CNTNAP5: variants seen among roughly 807,000 people sequenced by gnomAD.
CNTNAP5 encodes contactin associated protein family member 5, also known as contactin-associated protein-like 5.
CNTNAP5 carries 72 observed loss-of-function variants against 150.2 expected under a neutral mutation model. The ratio of observed to expected loss-of-function variants is 0.48; its 90% CI spans 0.40 to 0.58. The LOEUF is 0.58. Among genes scored for constraint, CNTNAP5 ranks in the 20% least tolerant of loss-of-function variants. CNTNAP5 has a pLI of 0.00. For missense variants in CNTNAP5, 1,636 were observed against 1,626.2 expected, an observed-to-expected ratio of 1.01 and a Z score of -0.10; for synonymous variants, 672 against 619.8, an observed-to-expected ratio of 1.08 and a Z score of -1.25.
At chr2:124,042,118 C>T (rs981029278) in intron 1 of CNTNAP5, among the ~76,000 whole-genome samples, 6 of 152,098 alleles carry the variant, frequency 3.9e-5, no homozygotes, top group East Asian at 1.9e-4. Flanking sequence ...GCCTCGGCCC[C>T]GCAAAGTGCT....
chr2:124,499,936 C>T, intron 7 of CNTNAP5, among the ~76,000 whole-genome samples: 1 of 152,080 alleles, frequency 6.6e-6, no homozygotes, highest in East Asian at 1.9e-4. Flanking sequence ...TCATGATCTG[C>T]AGACCCAGGA....
chr2:124,495,963 T>C (rs1277533048), intron 7 of CNTNAP5, among the ~76,000 whole-genome samples: 3 of 152,048 alleles, frequency 2.0e-5, no homozygotes, highest in Admixed American at 2.0e-4. Flanking sequence ...GCAGAATACG[T>C]GTCTCCCTCA....
At chr2:124,306,982 C>G (rs1688709278) in intron 3 of CNTNAP5, among the ~76,000 whole-genome samples, 1 of 151,998 alleles carries the variant, frequency 6.6e-6, no homozygotes, top group East Asian at 1.9e-4. Flanking sequence ...CTTGCCTCAG[C>G]CTTCCAAAGT....
chr2:124,678,328 A>G (rs1419792488), intron 13 of CNTNAP5, among the ~76,000 whole-genome samples: 5 of 151,758 alleles, frequency 3.3e-5, no homozygotes, highest in African/African-American at 1.2e-4. Flanking sequence ...TGACAATTTA[A>G]CCACAGAATG....
At chr2:124,148,598 A>G (rs75853680) in intron 1 of CNTNAP5, among the ~76,000 whole-genome samples, 2,753 of 148,276 alleles carry the variant, frequency 0.019, 193 homozygotes, top group Admixed American at 0.14. Flanking sequence ...AGTACATTCA[A>G]GTAATTCAGT....
intron 12 of CNTNAP5, among the ~76,000 whole-genome samples, chr2:124,632,576 A>G (rs1558712739): frequency 6.6e-6 from 1 of 152,082 alleles, no homozygotes; most frequent in East Asian, 1.9e-4. Flanking sequence ...AGGGGAGTGC[A>G]TTAGGGGAAA....
intron 9 of CNTNAP5, among the ~76,000 whole-genome samples, chr2:124,526,008 T>C (rs1694958626): frequency 6.6e-6 from 1 of 152,208 alleles, no homozygotes; most frequent in Admixed American, 6.5e-5. Flanking sequence ...ACAGACCGAA[T>C]AATTTTGCAT....
intron 3 of CNTNAP5, among the ~76,000 whole-genome samples, chr2:124,289,929 A>G (rs1688245215): frequency 6.6e-6 from 1 of 152,200 alleles, no homozygotes; most frequent in Non-Finnish European, 1.5e-5. Flanking sequence ...TTGTGGGATT[A>G]TGAGTACTTT....
chr2:124,401,206 T>C (rs1372955648), intron 3 of CNTNAP5, among the ~76,000 whole-genome samples: 1 of 152,098 alleles, frequency 6.6e-6, no homozygotes, highest in African/African-American at 2.4e-5. Context: ...TCACGCAAAA[T>C]CCAGAATTTC....
At chr2:124,737,014 T>C (rs1680397473) in intron 13 of CNTNAP5, among the ~76,000 whole-genome samples, 2 of 152,058 alleles carry the variant, frequency 1.3e-5, no homozygotes, top group African/African-American at 4.8e-5. Context: ...AACAATAGGC[T>C]GGGAGCAGTG....
intron 7 of CNTNAP5, among the ~76,000 whole-genome samples, chr2:124,486,788 T>TA (rs1206805268): frequency 1.3e-5 from 2 of 152,096 alleles, no homozygotes; most frequent in Admixed American, 6.5e-5. Flanking sequence ...ATATGCTCCA[T>TA]AAAAAAATAG....
chr2:124,494,394 T>C (rs1694102562), intron 7 of CNTNAP5, among the ~76,000 whole-genome samples: 1 of 152,076 alleles, frequency 6.6e-6, no homozygotes, highest in Admixed American at 6.5e-5. Context: ...CTCCTGCAGA[T>C]AGATGAACAT....
intron 10 of CNTNAP5, among the ~76,000 whole-genome samples, chr2:124,536,421 A>C (rs879210061): frequency 6.6e-6 from 1 of 152,026 alleles, no homozygotes; most frequent in East Asian, 1.9e-4. Flanking sequence ...CTAGATCAGA[A>C]ATGTGGGTTG....
At chr2:124,229,868 G>A (rs1686569772) in intron 2 of CNTNAP5, among the ~76,000 whole-genome samples, 1 of 151,588 alleles carries the variant, frequency 6.6e-6, no homozygotes, top group Non-Finnish European at 1.5e-5. Context: ...CCCCATGAGA[G>A]GAGAGGTTTG....
chr2:124,434,769 G>T (rs530983095), intron 5 of CNTNAP5, 82 bp downstream of exon 5: 7 of 1,238,532 alleles, frequency 5.7e-6, no homozygotes, highest in African/African-American at 1.5e-5. Context: ...CACTTGCAGT[G>T]TATCTGGTGG....
chr2:124,896,362 A>G (rs2104753434), intron 21 of CNTNAP5, among the ~76,000 whole-genome samples: 1 of 151,536 alleles, frequency 6.6e-6, no homozygotes, highest in South Asian at 2.1e-4. Flanking sequence ...TCACTAATTT[A>G]TTTTACTAAT....
chr2:124,362,726 A>G (rs1280124629), intron 3 of CNTNAP5, among the ~76,000 whole-genome samples: 1 of 152,134 alleles, frequency 6.6e-6, no homozygotes. Context: ...CTCAGATTTG[A>G]CCTTCTTGAG....
rs1403679643 is a variant in CNTNAP5, at chr2:124,917,196, A to G, written c.*2908A>G. On this transcript the variant is annotated 3_prime_UTR_variant, in exon 24 of 24. Coordinates refer to ENST00000682447, the MANE Select transcript of CNTNAP5 (RefSeq NM_001367498.1). ...CAACTGGGCCACCATGATCTCTTCCACTTAAATCCTCAGCCTTCAATAACT... is the reference window on the plus strand; with the variant it reads ...CAACTGGGCCACCATGATCTCTTCCGCTTAAATCCTCAGCCTTCAATAACT... 6.6e-6 allele frequency among the ~76,000 whole-genome samples: 1 copy of G among 151,812 alleles called. No homozygotes were observed. Among genetic ancestry groups the G allele is most frequent in the African/African-American group, 2.4e-5 (1 of 41,330 alleles).
intron 1 of CNTNAP5, among the ~76,000 whole-genome samples, chr2:124,145,794 T>TAAAAAAAAAAAAAATTAAAAAAAA (rs759470861): frequency 3.4e-5 from 1 of 29,532 alleles, no homozygotes; most frequent in Admixed American, 4.0e-4. Flanking sequence ...TAAAGTATAA[T>TAAAAAAAAAAAAAATTAAAAAAAA]AAAAAAAAAA....
Sources: gnomAD v4.1 joint callset for allele counts (sites outside exome capture counted in the v4.1 genomes callset) on GRCh38, gnomAD v4.1.1 for gene constraint, MANE v1.5 for transcripts, NCBI Gene and HGNC (gene_info 2026-07-23, HGNC 2026-07-21) for gene names.